VPS13C: variants seen among roughly 807,000 people sequenced by gnomAD.
VPS13C encodes vacuolar protein sorting 13 homolog C, also known as intermembrane lipid transfer protein VPS13C.
In VPS13C, 358 loss-of-function variants were observed where a neutral mutation model predicts 456.8. The ratio of observed to expected loss-of-function variants is 0.78; its 90% CI spans 0.72 to 0.86. The LOEUF is 0.86. VPS13C is among the 40% of genes least tolerant of loss of function. VPS13C has a pLI of 0.00. For missense variants in VPS13C, 4,818 were observed against 4,385.4 expected, an observed-to-expected ratio of 1.10 and a Z score of -2.79; for synonymous variants, 1,578 against 1,486.7, an observed-to-expected ratio of 1.06 and a Z score of -1.41.
At position 61,867,562 on chromosome 15, in the gene VPS13C, T is replaced by C. The variant is rs745622368; in HGVS notation, c.10863+1097A>G. ...TAAACATATTAATTGGACATAATAA[T>C]TGTCCTGTTTTTCAATTTTACCTGA... On this transcript the variant is annotated intron_variant, in intron 81 of 84. Transcript: ENST00000644861. The surrounding 1 kb of genome is among the most constrained non-coding windows in gnomAD (Gnocchi z 5.0). The C allele has an allele frequency of 1.3e-4, 135 of 1,017,068 alleles. No individual in the cohort carries two copies. The highest frequency in any genetic ancestry group is 1.5e-4 in the Non-Finnish European group (126 of 851,722). 63.0% of individuals were successfully genotyped at this position (1,017,068 alleles called of 1,614,324 possible).
At position 61,866,956 on chromosome 15, in the gene VPS13C, T is replaced by C. The variant is rs764156807; in HGVS notation, c.10863+1703A>G. ...AGCATGAAAGTTGCTAGATAAGACA[T>C]TGTTAAACATTTCCATCATTTATTA... is the stretch of plus-strand genomic sequence containing the variant. On this transcript the variant is annotated intron_variant, in intron 81 of 84. Coordinates refer to ENST00000644861, the MANE Select transcript of VPS13C (RefSeq NM_020821.3). 1.4e-5 allele frequency: 14 copies of C among 983,566 alleles called. No individual in the cohort carries two copies. In the African/African-American group the frequency reaches 1.6e-4, roughly 11 times the overall value. 60.9% of individuals were successfully genotyped at this position (983,566 alleles called of 1,614,324 possible).
chr15:61,881,107 G>T (rs964817875), intron 71 of VPS13C, among the ~76,000 whole-genome samples, 153 bp from the exon 72 acceptor site: 2 of 152,030 alleles, frequency 1.3e-5, no homozygotes, highest in Non-Finnish European at 2.9e-5. Context: ...CTTAGATTGA[G>T]ACTTTTTCAC....
At chr15:61,890,500 C>A in intron 66 of VPS13C, 100 bp from the exon 67 acceptor site, 4 of 1,044,030 alleles carry the variant, frequency 3.8e-6, no homozygotes, top group Non-Finnish European at 5.5e-6. Flanking sequence ...TTAAGAAGCA[C>A]TACTATAAAT....
Position 61,868,752 on chromosome 15 carries a change from T to G in VPS13C, c.10770A>C (p.Glu3590Asp). The change falls in exon 81 of 85, where the codon GAA (glutamate) becomes GAC (aspartate). Residue 3590 changes from glutamate to aspartate, a missense_variant. Transcript: ENST00000644861. ...GGCGAGGGGGACGGAGGCTAGATAC[T>G]TCCTCAGTTGATTCTGCTGCCCTGA... ...GIQRAAESTE[E>D]VSSLRPPRLI... 6.2e-7 allele frequency: 1 copy of G among 1,613,958 alleles called. No individual in the cohort carries two copies. The highest frequency in any genetic ancestry group is 8.5e-7 in the Non-Finnish European group (1 of 1,179,980).
chr15:61,983,936 T>C lies in VPS13C; in HGVS notation c.1798A>G (p.Ile600Val), dbSNP rs116507802. ...AGCAAGGATGATGTAGTGTCACCAA[T>C]TGAAGCCACAAGTGATGGCACAATA... ...QDIVPSLVAS[I>V]GDTTSSLLKI... The change falls in exon 20 of 85, where the codon ATT becomes GTT. Residue 600 changes from isoleucine (I) to valine (V), a missense_variant. This residue lies in a region of VPS13C where 4,552 missense variants were observed against 4,130.6 expected (regional missense o/e 1.10). Coordinates refer to ENST00000644861, the MANE Select transcript of VPS13C (RefSeq NM_020821.3). 121 of 1,614,162 alleles carry C rather than the reference T, an allele frequency of 7.5e-5. No individual in the cohort carries two copies. The African/African-American group carries it at 1.2e-3, about 16-fold the overall frequency.
At chr15:62,049,999 T>G (rs1290408813) in intron 1 of VPS13C, among the ~76,000 whole-genome samples, 1 of 152,224 alleles carries the variant, frequency 6.6e-6, no homozygotes, top group Admixed American at 6.5e-5. Flanking sequence ...AAGGAAATTT[T>G]GGGCTGAGAC....
chr15:61,944,610 A>G (rs1458954493), intron 45 of VPS13C, among the ~76,000 whole-genome samples: 1 of 152,090 alleles, frequency 6.6e-6, no homozygotes, highest in East Asian at 1.9e-4. Flanking sequence ...TAACATTGGG[A>G]AAAAAAGACA....
Position 61,919,295 on chromosome 15 carries a change from A to G in VPS13C, c.7632T>C (p.Pro2544=). The G allele has an allele frequency of 6.3e-7, 1 of 1,594,352 alleles. No individual in the cohort carries two copies. Among genetic ancestry groups the G allele is most frequent in the Non-Finnish European group, 8.5e-7 (1 of 1,171,912 alleles). ...EGNKVITLRS[P]LQIKNHFSIA... ...ATTAACTTTGAAGTATTACCTGTAG[A>G]GGAGAGCGAAGGGTAATTACTTTAT... is the stretch of plus-strand genomic sequence containing the variant. The change falls in exon 58 of 85, where the codon CCT becomes CCC. Residue 2544 remains proline (P), a synonymous_variant. Coordinates refer to ENST00000644861, the MANE Select transcript of VPS13C (RefSeq NM_020821.3).
At chr15:61,968,772 G>T (rs1433427233) in intron 28 of VPS13C, among the ~76,000 whole-genome samples, 1 of 151,718 alleles carries the variant, frequency 6.6e-6, no homozygotes, top group Admixed American at 6.6e-5. Flanking sequence ...TTATAATCTG[G>T]TGTTTCTTGT....
At chr15:61,981,662 C>G (rs931274713) in intron 21 of VPS13C, among the ~76,000 whole-genome samples, 184 bp from the exon 22 acceptor site, 4 of 152,102 alleles carry the variant, frequency 2.6e-5, no homozygotes, top group African/African-American at 9.7e-5. Flanking sequence ...AGATCGAGAC[C>G]ATCCTGGCTA....
chr15:62,006,088 A>T (rs1189911163), intron 15 of VPS13C, among the ~76,000 whole-genome samples: 3 of 133,760 alleles, frequency 2.2e-5, no homozygotes, highest in Admixed American at 8.3e-5. Flanking sequence ...GTTTTTTTTT[A>T]AAGAAATTCT....
chr15:61,980,279 G>C lies in VPS13C; in HGVS notation c.2166+1063C>G, dbSNP rs77641080. Among the ~76,000 whole-genome samples the C allele has an allele frequency of 5.1e-3, 755 of 149,166 alleles. 7 individuals carry two copies. Among genetic ancestry groups the C allele is most frequent in the African/African-American group, 0.017 (710 of 40,854 alleles). Reference sequence around the variant, plus strand: ...AAGGACAAATCACAATTAAAACAATGGTTACCATGATGTCAAAATGATCCA... The same window carrying C: ...AAGGACAAATCACAATTAAAACAATCGTTACCATGATGTCAAAATGATCCA... On this transcript the variant is annotated intron_variant, in intron 22 of 84. Coordinates refer to ENST00000644861, the MANE Select transcript of VPS13C (RefSeq NM_020821.3).
At chr15:61,912,944 C>T (rs12911303) in intron 62 of VPS13C, among the ~76,000 whole-genome samples, 135,971 of 150,236 alleles carry the variant, frequency 0.91, 61,710 homozygotes, top group African/African-American at 0.95. Flanking sequence ...TCACCATCAC[C>T]GGCCATCAGA....
At chr15:61,921,551 G>GA (rs1344440870) in intron 55 of VPS13C, among the ~76,000 whole-genome samples, 2 of 150,878 alleles carry the variant, frequency 1.3e-5, no homozygotes, top group Non-Finnish European at 3.0e-5. Context: ...AATTAAAACT[G>GA]AAAAAAAATT....
chr15:61,912,832 C>T (rs1160175727), intron 62 of VPS13C, among the ~76,000 whole-genome samples: 1 of 136,798 alleles, frequency 7.3e-6, no homozygotes, highest in Non-Finnish European at 1.6e-5. Context: ...GTGATGTTCC[C>T]CTTCCTGTGT....
At chr15:61,942,848 G>C (rs1451327138) in intron 45 of VPS13C, among the ~76,000 whole-genome samples, 1 of 152,022 alleles carries the variant, frequency 6.6e-6, no homozygotes. Context: ...GGAATCATGA[G>C]ATTCTGCACA....
intron 66 of VPS13C, among the ~76,000 whole-genome samples, chr15:61,903,764 C>T (rs1276439927): frequency 6.6e-6 from 1 of 152,112 alleles, no homozygotes; most frequent in Non-Finnish European, 1.5e-5. Flanking sequence ...GTAACCAAAA[C>T]ATCGTGGCAG....
intron 75 of VPS13C, among the ~76,000 whole-genome samples, chr15:61,876,511 G>T (rs908287712): frequency 6.6e-6 from 1 of 151,896 alleles, no homozygotes; most frequent in Non-Finnish European, 1.5e-5. Flanking sequence ...TCCAGCAGTG[G>T]AAGGAAAGGA....
intron 16 of VPS13C, among the ~76,000 whole-genome samples, chr15:61,996,610 AAC>A (rs1280087172): frequency 6.6e-6 from 1 of 152,152 alleles, no homozygotes; most frequent in Admixed American, 6.6e-5. Flanking sequence ...CATAAAGGCA[AAC>A]ACACTGGAAA....
Sources: allele counts gnomAD v4.1 joint callset (sites outside exome capture counted in the v4.1 genomes callset), GRCh38; gene constraint gnomAD v4.1.1; regional missense constraint gnomAD v4.1.1; non-coding constraint Gnocchi (gnomAD v3.1); transcripts MANE v1.5; gene names NCBI Gene and HGNC (gene_info 2026-07-23, HGNC 2026-07-21).